The following BANF2 variants were observed in gnomAD, a reference collection of about 807,000 sequenced individuals.
The protein encoded by BANF2 is barrier-to-autointegration factor-like protein.
A neutral mutation model predicts 8.0 loss-of-function variants in BANF2; 4 were observed. The ratio of observed to expected loss-of-function variants is 0.50; its 90% confidence interval spans 0.25 to 1.14. BANF2 has a LOEUF of 1.14. Among genes scored for constraint, BANF2 ranks in the 50% most tolerant of loss-of-function variants. The probability of loss-of-function intolerance (pLI) is 0.16; values close to 1 mark genes in which losing one functional copy is unlikely to be tolerated. For missense variants in BANF2, 96 were observed against 107.5 expected (o/e 0.89, Z 0.47); for synonymous variants, 50 against 40.6 (o/e 1.23, Z -0.88).
At chr20:17,723,651 G>T (rs1203556177) in intron 2 of BANF2, among the ~76,000 whole-genome samples, 1 of 152,200 alleles carries the variant, frequency 6.6e-6, no homozygotes, top group Non-Finnish European at 1.5e-5. Flanking sequence ...ATGTGGATTG[G>T]TTGAGAAGAG....
chr20:17,725,364 G>A (rs1053910070), intron 3 of BANF2, among the ~76,000 whole-genome samples: 16 of 152,266 alleles, frequency 1.1e-4, no homozygotes, highest in African/African-American at 3.6e-4. Flanking sequence ...ACATAGAATG[G>A]CTTCAGTTCA....
At chr20:17,705,218 A>C (rs879463332) in intron 1 of BANF2, among the ~76,000 whole-genome samples, 3 of 152,238 alleles carry the variant, frequency 2.0e-5, no homozygotes, top group Non-Finnish European at 4.4e-5. Flanking sequence ...GCCACATTGG[A>C]TGAAAGCAGG....
upstream of BANF2, chr20:17,699,881 C>T (rs2037383151): frequency 1.6e-6 from 1 of 639,358 alleles, no homozygotes; most frequent in Non-Finnish European, 1.9e-6. Flanking sequence ...CCACTGCAGC[C>T]CTTTTTGTGC....
At chr20:17,722,931 T>C in intron 2 of BANF2, 53 bp downstream of exon 2, 1 of 933,544 alleles carries the variant, frequency 1.1e-6, no homozygotes, top group Non-Finnish European at 1.3e-6. Context: ...AAGGGAGGCG[T>C]TGGATGCACC....
chr20:17,711,408 C>T (rs548025115), intron 1 of BANF2, among the ~76,000 whole-genome samples: 1 of 152,358 alleles, frequency 6.6e-6, no homozygotes, highest in South Asian at 2.1e-4. Context: ...TTAGACACCT[C>T]CACACAATGT....
intron 1 of BANF2, among the ~76,000 whole-genome samples, chr20:17,711,581 C>T (rs1389431367): frequency 6.6e-6 from 1 of 152,198 alleles, no homozygotes; most frequent in Non-Finnish European, 1.5e-5. Flanking sequence ...TTCTACCTGA[C>T]CCCCTGGGGG....
intron 3 of BANF2, among the ~76,000 whole-genome samples, chr20:17,727,755 T>G (rs888371507): frequency 6.6e-6 from 1 of 152,140 alleles, no homozygotes; most frequent in Non-Finnish European, 1.5e-5. Flanking sequence ...TTTGGTTTTG[T>G]TTTTGTTTTG....
At chr20:17,713,329 G>C (rs1420901957) in intron 1 of BANF2, among the ~76,000 whole-genome samples, 1 of 152,072 alleles carries the variant, frequency 6.6e-6, no homozygotes, top group Non-Finnish European at 1.5e-5. Flanking sequence ...GAGTAAAATA[G>C]GCCAGTCACC....
chr20:17,722,211 G>C (rs1161908601), intron 1 of BANF2, among the ~76,000 whole-genome samples: 1 of 152,226 alleles, frequency 6.6e-6, no homozygotes, highest in African/African-American at 2.4e-5. Flanking sequence ...ATGTTGCAAG[G>C]ATCAAAGTGA....
chr20:17,720,079 G>T (rs895056213), intron 1 of BANF2, among the ~76,000 whole-genome samples: 1 of 152,208 alleles, frequency 6.6e-6, no homozygotes, highest in Non-Finnish European at 1.5e-5. Flanking sequence ...TGGGATCCAA[G>T]CATCAGTAAT....
At chr20:17,729,351 G>C (rs770109568) in intron 3 of BANF2, among the ~76,000 whole-genome samples, 6 of 152,074 alleles carry the variant, frequency 3.9e-5, no homozygotes, top group Non-Finnish European at 8.8e-5. Flanking sequence ...ACCTCCCCTG[G>C]GAAGCCTTCT....
intron 1 of BANF2, among the ~76,000 whole-genome samples, chr20:17,694,772 C>A (rs570520475): frequency 2.1e-4 from 32 of 151,732 alleles, no homozygotes; most frequent in Middle Eastern, 6.8e-3. Flanking sequence ...GTTCGTGCCA[C>A]CAGGCCTGGA....
At chr20:17,722,155 G>A (rs1244687895) in intron 1 of BANF2, among the ~76,000 whole-genome samples, 1 of 152,236 alleles carries the variant, frequency 6.6e-6, no homozygotes, top group Non-Finnish European at 1.5e-5. Flanking sequence ...CGTTGCTGGA[G>A]AGCCCCAGGA....
chr20:17,729,867 G>A (rs1200002423), intron 3 of BANF2, among the ~76,000 whole-genome samples: 1 of 152,208 alleles, frequency 6.6e-6, no homozygotes, highest in Non-Finnish European at 1.5e-5. Flanking sequence ...TGTGTTCTTT[G>A]TACTTCTCTT....
At chr20:17,704,451 G>C (rs1228623560) in intron 1 of BANF2, among the ~76,000 whole-genome samples, 3 of 152,192 alleles carry the variant, frequency 2.0e-5, no homozygotes, top group African/African-American at 7.2e-5. Flanking sequence ...CTATGCTTAG[G>C]TTTGACATTG....
At chr20:17,700,170 C>T (rs746028149) in intron 1 of BANF2, 115 bp downstream of exon 1, 1 of 241,496 alleles carries the variant, frequency 4.1e-6, no homozygotes, top group Non-Finnish European at 6.7e-6. Context: ...AACCGGTGGA[C>T]AGGAGTTCAC....
At chr20:17,695,626 C>T (rs2037341034), upstream of BANF2, among the ~76,000 whole-genome samples, 2 of 150,828 alleles carry the variant, frequency 1.3e-5, no homozygotes, top group Non-Finnish European at 3.0e-5. Context: ...GTGTGTATTA[C>T]ACATTACATA....
chr20:17,699,899 C>T (rs2277868), upstream of BANF2: 592,943 of 838,010 alleles, frequency 0.71, 214,994 homozygotes, highest in East Asian at 0.91. Context: ...TGCTCACCCC[C>T]GACCTGTGGT....
At chr20:17,711,838 C>T (rs2037578089) in intron 1 of BANF2, among the ~76,000 whole-genome samples, 1 of 152,188 alleles carries the variant, frequency 6.6e-6, no homozygotes, top group Non-Finnish European at 1.5e-5. Context: ...TCAAGGAGAC[C>T]TGCGCATGGC....
Sources: gnomAD v4.1 joint callset for allele counts (sites outside exome capture counted in the v4.1 genomes callset) on GRCh38, gnomAD v4.1.1 for gene constraint, MANE v1.5 for transcripts, NCBI Gene and HGNC (gene_info 2026-07-23, HGNC 2026-07-21) for gene names.